The following PLGRKT variants were observed in gnomAD, a reference collection of about 807,000 sequenced individuals.
The protein encoded by PLGRKT is plasminogen receptor with a C-terminal lysine.
A neutral mutation model predicts 18.5 loss-of-function variants in PLGRKT; 22 were observed. That is an observed-to-expected ratio of 1.19 (90% confidence interval 0.85 to 1.70). The LOEUF is 1.70. PLGRKT is among the 40% of genes most tolerant of loss of function. PLGRKT has a pLI of 0.00. For missense variants in PLGRKT, 235 were observed against 174.4 expected (o/e 1.35, Z -1.96); for synonymous variants, 72 against 52.8 (o/e 1.36, Z -1.58).
chr9:5,398,482 C>CT lies in PLGRKT; in HGVS notation c.81+33414dup, dbSNP rs3043353. Among the ~76,000 whole-genome samples, 38 of 151,886 alleles carry CT rather than the reference C, an allele frequency of 2.5e-4. 1 individual carries two copies. Among genetic ancestry groups the CT allele is most frequent in the Non-Finnish European group, 2.9e-4 (20 of 68,016 alleles). ...AACAGAGAAACAAGCTGTGATCTTC[C>CT]TTTTTTGTAGCAAGTGCTTTGAATC... is the stretch of plus-strand genomic sequence containing the variant. On this transcript the variant is annotated intron_variant, in intron 3 of 5. Coordinates refer to ENST00000223864, the MANE Select transcript of PLGRKT (RefSeq NM_018465.4).
intron 3 of PLGRKT, among the ~76,000 whole-genome samples, chr9:5,366,562 C>T (rs1416478659): frequency 4.6e-5 from 7 of 152,086 alleles, no homozygotes; most frequent in South Asian, 2.1e-4. Context: ...GCACATAAGA[C>T]GCTCCACAAA....
intron 3 of PLGRKT, among the ~76,000 whole-genome samples, chr9:5,428,642 T>C (rs1299399026): frequency 2.0e-5 from 3 of 152,198 alleles, no homozygotes; most frequent in East Asian, 1.9e-4. Context: ...CTTGAAACTA[T>C]TACGACCACC....
intron 3 of PLGRKT, among the ~76,000 whole-genome samples, chr9:5,379,032 T>C (rs1018877394): frequency 6.6e-6 from 1 of 151,968 alleles, no homozygotes; most frequent in African/African-American, 2.4e-5. Context: ...AAAGTATAAA[T>C]AAATACAACT....
intron 3 of PLGRKT, among the ~76,000 whole-genome samples, chr9:5,416,924 A>G (rs1274077284): frequency 6.6e-6 from 1 of 152,224 alleles, no homozygotes; most frequent in Non-Finnish European, 1.5e-5. Context: ...GGAAATATTA[A>G]AAGTATTTTC....
At chr9:5,397,922 T>G (rs1818084084) in intron 3 of PLGRKT, among the ~76,000 whole-genome samples, 1 of 151,922 alleles carries the variant, frequency 6.6e-6, no homozygotes, top group African/African-American at 2.4e-5. Context: ...TTATTTCCTT[T>G]TATTTCAAAA....
intron 3 of PLGRKT, 146 bp from the exon 4 acceptor site, chr9:5,362,034 T>A (rs79184487): frequency 4.0e-6 from 3 of 754,476 alleles, no homozygotes; most frequent in Non-Finnish European, 4.3e-6. Context: ...TTGACTAAAG[T>A]TCCTTTGGAC....
chr9:5,384,591 C>G (rs1412304818), intron 3 of PLGRKT, among the ~76,000 whole-genome samples: 1 of 152,100 alleles, frequency 6.6e-6, no homozygotes, highest in Non-Finnish European at 1.5e-5. Context: ...AGATACTGCT[C>G]TTGATTAGAC....
rs984745530 is a variant in PLGRKT at position 5,423,908 on chromosome 9, T to C, written c.81+7989A>G. Among the ~76,000 whole-genome samples, 47 of 147,126 alleles carry C rather than the reference T, an allele frequency of 3.2e-4. 1 individual carries two copies. The highest frequency in any genetic ancestry group is 1.2e-3 in the Admixed American group (18 of 14,584). On this transcript the variant is annotated intron_variant, in intron 3 of 5. Transcript: ENST00000223864. ...TAGTCTATAATATATATTACATATA[T>C]TAGATATTATATTACCTGTTATATA...
At chr9:5,390,117 G>A (rs1019406829) in intron 3 of PLGRKT, among the ~76,000 whole-genome samples, 5 of 151,668 alleles carry the variant, frequency 3.3e-5, no homozygotes, top group African/African-American at 1.2e-4. Context: ...ACCAACCCTC[G>A]TCTGCTTCAG....
Position 5,371,986 on chromosome 9 carries a change from C to CTTTTTTTTTTTTT in PLGRKT, c.82-10111_82-10099dup, listed in dbSNP as rs71326158. On this transcript the variant is annotated intron_variant, in intron 3 of 5. Coordinates refer to ENST00000223864, the MANE Select transcript of PLGRKT (RefSeq NM_018465.4). ...CTGCAAAAAACAATATCAGAAAATC[C>CTTTTTTTTTTTTT]TTTTTTTTTTTTTGATATGGAGTCT... Among the ~76,000 whole-genome samples, 157 of 89,108 alleles carry CTTTTTTTTTTTTT rather than the reference C, an allele frequency of 1.8e-3. 30 individuals carry two copies. The highest frequency in any genetic ancestry group is 6.8e-3 in the Middle Eastern group (1 of 146). 58.5% of individuals were successfully genotyped at this position (89,108 alleles called of 152,430 possible).
chr9:5,370,916 G>C (rs1232893788), intron 3 of PLGRKT, among the ~76,000 whole-genome samples: 1 of 152,044 alleles, frequency 6.6e-6, no homozygotes, highest in Non-Finnish European at 1.5e-5. Context: ...GAAATCAGTA[G>C]TAATTTGAAG....
In PLGRKT at chr9:5,418,908, C is replaced by T. The variant is rs1818518116; in HGVS notation, c.81+12989G>A. 7.8e-6 allele frequency: 7 copies of T among 899,782 alleles called. No individual in the cohort carries two copies. In the Admixed American group the frequency reaches 1.3e-4, roughly 17 times the overall value. The allele number at this position is 899,782 out of a possible 1,614,324, so 55.7% of individuals were successfully genotyped here. On this transcript the variant is annotated intron_variant, in intron 3 of 5. Transcript: ENST00000223864. The surrounding 1 kb of genome is among the most constrained non-coding windows in gnomAD (Gnocchi z 4.2). ...TGTGCTTGCAATCCAGCAACTTGGC[C>T]TTCACTAGGGGCTGCAGTAATTAAA...
intron 3 of PLGRKT, among the ~76,000 whole-genome samples, chr9:5,395,429 A>C (rs1818026012): frequency 6.6e-6 from 1 of 151,958 alleles, no homozygotes; most frequent in South Asian, 2.1e-4. Context: ...TCAATTCTGA[A>C]GTCACTGAAA....
At chr9:5,387,087 A>C (rs1416178917) in intron 3 of PLGRKT, among the ~76,000 whole-genome samples, 1 of 151,982 alleles carries the variant, frequency 6.6e-6, no homozygotes, top group African/African-American at 2.4e-5. Flanking sequence ...TGCTCAAAGC[A>C]GGTTCTGATT....
At position 5,366,842 on chromosome 9, in the gene PLGRKT, A is replaced by T. The variant is rs76771431; in HGVS notation, c.82-4954T>A. On this transcript the variant is annotated intron_variant, in intron 3 of 5. Coordinates refer to ENST00000223864, the MANE Select transcript of PLGRKT (RefSeq NM_018465.4). Reference sequence around the variant, plus strand: ...ACTGAATATGATTCTATATTAGGAAAACCTAAAGATGCTGCCAAGAGGCTC... The same window carrying T: ...ACTGAATATGATTCTATATTAGGAATACCTAAAGATGCTGCCAAGAGGCTC... 6.2e-3 allele frequency among the ~76,000 whole-genome samples: 950 copies of T among 152,272 alleles called. 9 individuals carry two copies. The highest frequency in any genetic ancestry group is 0.022 in the African/African-American group (896 of 41,562).
At chr9:5,406,958 G>C (rs1291511367) in intron 3 of PLGRKT, among the ~76,000 whole-genome samples, 1 of 152,108 alleles carries the variant, frequency 6.6e-6, no homozygotes, top group East Asian at 1.9e-4. Flanking sequence ...TGTGCTTTTT[G>C]TTTGTGTACA....
chr9:5,410,453 C>G (rs893988196), intron 3 of PLGRKT, among the ~76,000 whole-genome samples: 1 of 148,494 alleles, frequency 6.7e-6, no homozygotes, highest in Non-Finnish European at 1.5e-5. Context: ...GGGCCAAGAT[C>G]GTGCCACTGC....
At chr9:5,438,136 C>T (rs751918298), upstream of PLGRKT, among the ~76,000 whole-genome samples, 26 of 152,324 alleles carry the variant, frequency 1.7e-4, no homozygotes, top group Non-Finnish European at 2.5e-4. Context: ...TCTGTCCCCT[C>T]ATCTGTTAAA....
chr9:5,394,980 G>C (rs984431262), intron 3 of PLGRKT, among the ~76,000 whole-genome samples: 1 of 151,716 alleles, frequency 6.6e-6, no homozygotes, highest in Admixed American at 6.6e-5. Context: ...TTGCAGCAAG[G>C]CTACCCAAGC....
Sources: gnomAD v4.1 joint callset for allele counts (sites outside exome capture counted in the v4.1 genomes callset) on GRCh38, gnomAD v4.1.1 for gene constraint, Gnocchi (gnomAD v3.1) non-coding constraint, MANE v1.5 for transcripts, NCBI Gene and HGNC (gene_info 2026-07-23, HGNC 2026-07-21) for gene names.